The following NPSR1 variants were observed in gnomAD, a reference collection of about 807,000 sequenced individuals.
The protein encoded by NPSR1 is neuropeptide S receptor 1, also known as neuropeptide S receptor.
A neutral mutation model predicts 46.9 loss-of-function variants in NPSR1; 48 were observed. The ratio of observed to expected loss-of-function variants is 1.02; its 90% confidence interval spans 0.81 to 1.30. The LOEUF is 1.30. Among genes scored for constraint, NPSR1 ranks in the 50% most tolerant of loss-of-function variants. NPSR1 has a pLI of 0.00. For missense variants in NPSR1, 450 were observed against 449.5 expected, an observed-to-expected ratio of 1.00 and a Z score of -0.01; for synonymous variants, 176 against 168.1, an observed-to-expected ratio of 1.05 and a Z score of -0.36.
At chr7:34,680,904 A>G (rs369004544) in intron 1 of NPSR1, among the ~76,000 whole-genome samples, 6 of 151,676 alleles carry the variant, frequency 4.0e-5, no homozygotes, top group Admixed American at 3.9e-4. Flanking sequence ...AGAGTTTTAC[A>G]TGGGGCACAG....
At chr7:34,689,066 C>T (rs1793086900) in intron 2 of NPSR1, among the ~76,000 whole-genome samples, 1 of 152,174 alleles carries the variant, frequency 6.6e-6, no homozygotes, top group African/African-American at 2.4e-5. Flanking sequence ...AGAGCTAATG[C>T]TTCTGCCTGC....
At chr7:34,697,675 A>T (rs1793600567) in intron 2 of NPSR1, among the ~76,000 whole-genome samples, 1 of 151,872 alleles carries the variant, frequency 6.6e-6, no homozygotes, top group South Asian at 2.1e-4. Context: ...TTATTATTGT[A>T]TTGTTATTTT....
chr7:34,826,209 C>A (rs1434464565), intron 4 of NPSR1, among the ~76,000 whole-genome samples: 1 of 152,152 alleles, frequency 6.6e-6, no homozygotes, highest in Non-Finnish European at 1.5e-5. Flanking sequence ...TATAATTCTA[C>A]CCCAAGACTC....
chr7:34,806,303 T>C (rs1323670844), intron 3 of NPSR1, among the ~76,000 whole-genome samples: 1 of 152,100 alleles, frequency 6.6e-6, no homozygotes, highest in Non-Finnish European at 1.5e-5. Context: ...TAAGCTGCGG[T>C]ACATCCATTA....
chr7:34,738,406 A>C (rs1784784261), intron 2 of NPSR1, among the ~76,000 whole-genome samples: 1 of 152,140 alleles, frequency 6.6e-6, no homozygotes, highest in South Asian at 2.1e-4. Context: ...TTTCTTCTCA[A>C]ATTATTTTTG....
At chr7:34,769,728 G>T (rs1289124623) in intron 2 of NPSR1, among the ~76,000 whole-genome samples, 2 of 152,100 alleles carry the variant, frequency 1.3e-5, no homozygotes, top group Non-Finnish European at 2.9e-5. Flanking sequence ...CCGCTTTTGT[G>T]CTCCAACTGG....
intron 8 of NPSR1, among the ~76,000 whole-genome samples, chr7:34,861,754 G>T (rs570676632): frequency 6.1e-4 from 92 of 151,912 alleles, no homozygotes; most frequent in Non-Finnish European, 1.0e-3. Context: ...AAGCATGCTT[G>T]GTTTATTCTC....
chr7:34,735,743 C>T lies in NPSR1; in HGVS notation c.281-42719C>T, dbSNP rs1245589290. ...AAGTCATCTAAAACTGCTGATAAAG[C>T]TTTTGGCAAAGAGCTTTTCATTACG... On this transcript the variant is annotated intron_variant, in intron 2 of 8. Transcript: ENST00000360581. 3.3e-5 allele frequency among the ~76,000 whole-genome samples: 5 copies of T among 152,176 alleles called. No individual in the cohort carries two copies. The East Asian group carries it at 9.7e-4, about 29-fold the overall frequency.
chr7:34,732,854 G>T (rs965969570), intron 2 of NPSR1, among the ~76,000 whole-genome samples: 1 of 152,164 alleles, frequency 6.6e-6, no homozygotes, highest in Non-Finnish European at 1.5e-5. Context: ...CCACAAAGGG[G>T]TGCTAATTCC....
At chr7:34,732,812 C>T (rs985717371) in intron 2 of NPSR1, among the ~76,000 whole-genome samples, 24 of 152,162 alleles carry the variant, frequency 1.6e-4, no homozygotes, top group Admixed American at 1.4e-3. Flanking sequence ...TATTTATCAG[C>T]ACATATGCAT....
intron 3 of NPSR1, among the ~76,000 whole-genome samples, chr7:34,802,135 A>G (rs1163487660): frequency 2.0e-5 from 3 of 150,444 alleles, no homozygotes; most frequent in African/African-American, 7.5e-5. Context: ...AAATGCCCAT[A>G]CTGCCCAAGG....
At chr7:34,820,478 A>T (rs1217964122) in intron 4 of NPSR1, among the ~76,000 whole-genome samples, 1 of 152,128 alleles carries the variant, frequency 6.6e-6, no homozygotes, top group Non-Finnish European at 1.5e-5. Context: ...GATAGGAGAG[A>T]CATTTCGTGA....
intron 1 of NPSR1, among the ~76,000 whole-genome samples, chr7:34,663,243 C>T (rs1357054263): frequency 9.2e-5 from 14 of 152,158 alleles, no homozygotes; most frequent in Admixed American, 9.2e-4. Context: ...TCCCATCCGA[C>T]CTGTGTCAGG....
rs373169107 is a variant in NPSR1, at chr7:34,811,868, G to A, written c.478+5G>A. 8.7e-6 allele frequency: 14 copies of A among 1,607,508 alleles called. No homozygotes were observed. The highest frequency in any genetic ancestry group is 1.3e-5 in the African/African-American group (1 of 74,744). On this transcript the variant is annotated splice_donor_5th_base_variant and intron_variant, in intron 4 of 8. Coordinates refer to ENST00000360581, the MANE Select transcript of NPSR1 (RefSeq NM_207172.2). ...CCATGAAGTTCCTTCAAGGAGGTGA[G>A]CTGGCTTTACCAGGTGCTCTTTCAT...
intron 2 of NPSR1, among the ~76,000 whole-genome samples, chr7:34,729,301 A>G (rs1341221666): frequency 6.6e-6 from 1 of 152,158 alleles, no homozygotes; most frequent in Non-Finnish European, 1.5e-5. Context: ...CATTGTGAAT[A>G]AAAAAGTCAA....
At chr7:34,718,194 T>C (rs796394337) in intron 2 of NPSR1, among the ~76,000 whole-genome samples, 1 of 152,190 alleles carries the variant, frequency 6.6e-6, no homozygotes, top group South Asian at 2.1e-4. Flanking sequence ...ATAACAATAA[T>C]AAAATGTTAA....
At chr7:34,834,657 G>A (rs547605832) in intron 6 of NPSR1, among the ~76,000 whole-genome samples, 197 bp downstream of exon 6, 1 of 152,154 alleles carries the variant, frequency 6.6e-6, no homozygotes, top group Non-Finnish European at 1.5e-5. Flanking sequence ...TGAAATCTAG[G>A]AGAAGGAAGG....
intron 1 of NPSR1, among the ~76,000 whole-genome samples, chr7:34,666,025 T>A (rs1490841190): frequency 6.6e-6 from 1 of 152,226 alleles, no homozygotes; most frequent in Non-Finnish European, 1.5e-5. Context: ...TAAAACAAGT[T>A]TACTGCTAAT....
intron 6 of NPSR1, among the ~76,000 whole-genome samples, chr7:34,835,434 C>T (rs34312737): frequency 6.6e-6 from 1 of 152,308 alleles, no homozygotes; most frequent in African/African-American, 2.4e-5. Context: ...TGCCACCTGG[C>T]AAAGTTATCT....
Sources: gnomAD v4.1 joint callset for allele counts (sites outside exome capture counted in the v4.1 genomes callset) on GRCh38, gnomAD v4.1.1 for gene constraint, MANE v1.5 for transcripts, NCBI Gene and HGNC (gene_info 2026-07-23, HGNC 2026-07-21) for gene names.